The following ZNF423 variants were observed in gnomAD, a reference collection of about 807,000 sequenced individuals.
ZNF423 encodes the protein zinc finger protein 423.
A neutral mutation model predicts 95.8 loss-of-function variants in ZNF423; 12 were observed. The ratio of observed to expected loss-of-function variants is 0.13; its 90% CI spans 0.08 to 0.20. The LOEUF (loss-of-function observed/expected upper bound fraction) is 0.20, where lower values mean the gene tolerates loss of function less well. Ranked by LOEUF, ZNF423 falls within the 10% of genes least tolerant of loss-of-function variation. ZNF423 has a pLI of 1.00. For missense variants in ZNF423, 1,316 were observed against 1,737.1 expected, an observed-to-expected ratio of 0.76 and a Z score of 4.31; for synonymous variants, 749 against 711.9, an observed-to-expected ratio of 1.05 and a Z score of -0.83.
chr16:49,733,868 C>G (rs1245519293), intron 2 of ZNF423, among the ~76,000 whole-genome samples: 1 of 152,210 alleles, frequency 6.6e-6, no homozygotes, highest in Non-Finnish European at 1.5e-5. Context: ...CAGGGTTTGC[C>G]TCTTGCAATG....
intron 5 of ZNF423, among the ~76,000 whole-genome samples, chr16:49,539,229 G>T (rs16947573): frequency 6.6e-6 from 1 of 152,098 alleles, no homozygotes; most frequent in Admixed American, 6.5e-5. Context: ...CCAAATGCAG[G>T]AACCCAGACA....
chr16:49,637,805 G>A lies in ZNF423; in HGVS notation c.1371C>T (p.Ser457=). The change falls in exon 4 of 8, where the codon TCC becomes TCT. Residue 457 remains serine (S), a synonymous_variant. Coordinates refer to ENST00000563137, the MANE Select transcript of ZNF423 (RefSeq NM_001379286.1). This position sits in a 1 kb window ranked among gnomAD's most constrained non-coding sequence, Gnocchi z 5.6. ...CGTTGAGGTTGTAGAGGGTGGGCAT[G>A]GAGTCCAGGCAGATCTGACATGTGT... ...QSHTCQICLD[S]MPTLYNLNEH... 1 of 1,614,220 alleles carries A rather than the reference G, an allele frequency of 6.2e-7. No homozygotes were observed. The highest frequency in any genetic ancestry group is 2.2e-5 in the East Asian group (1 of 44,888).
chr16:49,550,673 G>A (rs766819107), intron 5 of ZNF423, among the ~76,000 whole-genome samples: 2 of 152,246 alleles, frequency 1.3e-5, no homozygotes, highest in East Asian at 3.9e-4. Flanking sequence ...TGGCCATAGC[G>A]TGGGGACATC....
intron 3 of ZNF423, among the ~76,000 whole-genome samples, chr16:49,650,526 C>T (rs1973359255): frequency 6.6e-6 from 1 of 152,202 alleles, no homozygotes; most frequent in South Asian, 2.1e-4. Context: ...GCACCTCACA[C>T]CCATTATCCA....
At chr16:49,615,961 C>T (rs976729613) in intron 5 of ZNF423, among the ~76,000 whole-genome samples, 1 of 152,134 alleles carries the variant, frequency 6.6e-6, no homozygotes, top group Non-Finnish European at 1.5e-5. Context: ...TCATTTTCAC[C>T]TTGCTCCCAC....
At chr16:49,784,488 C>T (rs2034277408) in intron 2 of ZNF423, among the ~76,000 whole-genome samples, 1 of 152,158 alleles carries the variant, frequency 6.6e-6, no homozygotes, top group Non-Finnish European at 1.5e-5. Context: ...TCCTCCCATA[C>T]AATAGAATAT....
chr16:49,789,939 C>G (rs1187983727), intron 1 of ZNF423, among the ~76,000 whole-genome samples: 1 of 152,124 alleles, frequency 6.6e-6, no homozygotes, highest in Non-Finnish European at 1.5e-5. Context: ...GTCAACTCTC[C>G]CAATGACAGC....
intron 7 of ZNF423, among the ~76,000 whole-genome samples, chr16:49,506,260 T>C (rs1319072898): frequency 2.6e-5 from 4 of 152,132 alleles, no homozygotes; most frequent in East Asian, 3.9e-4. Context: ...GGATGGTAGA[T>C]GATGGATGGA....
At chr16:49,545,413 C>T (rs1162909401) in intron 5 of ZNF423, among the ~76,000 whole-genome samples, 1 of 152,148 alleles carries the variant, frequency 6.6e-6, no homozygotes, top group Non-Finnish European at 1.5e-5. Flanking sequence ...CCCATCACAT[C>T]TCAACATGTG....
intron 3 of ZNF423, among the ~76,000 whole-genome samples, chr16:49,694,665 A>C (rs1185428084): frequency 1.3e-5 from 2 of 152,072 alleles, no homozygotes; most frequent in African/African-American, 2.4e-5. Flanking sequence ...CACACCACAC[A>C]TAGAACTCCA....
At chr16:49,833,307 G>A (rs1487031265) in intron 1 of ZNF423, among the ~76,000 whole-genome samples, 1 of 152,206 alleles carries the variant, frequency 6.6e-6, no homozygotes, top group Non-Finnish European at 1.5e-5. Flanking sequence ...GGATTTACGT[G>A]CGAGAGCAAA....
At chr16:49,522,417 C>T (rs1968436938) in intron 7 of ZNF423, among the ~76,000 whole-genome samples, 1 of 152,068 alleles carries the variant, frequency 6.6e-6, no homozygotes, top group Admixed American at 6.5e-5. Context: ...GGGCATGGAC[C>T]CTCCGTGGGC....
intron 5 of ZNF423, among the ~76,000 whole-genome samples, chr16:49,541,010 G>A (rs1969227128): frequency 6.6e-6 from 1 of 152,188 alleles, no homozygotes; most frequent in Non-Finnish European, 1.5e-5. Context: ...CCTGCCAAGA[G>A]CAGGATGTCC....
chr16:49,620,842 T>TG (rs34341180), intron 5 of ZNF423, among the ~76,000 whole-genome samples: 7,401 of 152,266 alleles, frequency 0.049, 226 homozygotes, highest in Non-Finnish European at 0.071. Context: ...ATCGGCTTCC[T>TG]GGGGGTCTCC....
In ZNF423 at chr16:49,588,320, C is replaced by A. The variant is rs181053056; in HGVS notation, c.3601+37850G>T. 5.2e-3 allele frequency among the ~76,000 whole-genome samples: 797 copies of A among 152,296 alleles called. 4 individuals carry two copies. Among genetic ancestry groups the A allele is most frequent in the Non-Finnish European group, 8.7e-3 (589 of 68,026 alleles). On this transcript the variant is annotated intron_variant, in intron 5 of 7. Transcript: ENST00000563137. ...TGAGATGAACATCTTCCTCCCAGGG[C>A]ACACTGGGGGCGTCTGTCCAGAGGG...
chr16:49,622,298 C>T (rs1011113323), intron 5 of ZNF423, among the ~76,000 whole-genome samples: 1 of 152,110 alleles, frequency 6.6e-6, no homozygotes, highest in African/African-American at 2.4e-5. Flanking sequence ...GAAGGACAAA[C>T]CCTAACCCCT....
chr16:49,782,856 G>A (rs978749752), intron 2 of ZNF423, among the ~76,000 whole-genome samples: 12 of 151,844 alleles, frequency 7.9e-5, no homozygotes, highest in African/African-American at 2.9e-4. Flanking sequence ...AAGCATGGTG[G>A]TACATGCCTG....
intron 5 of ZNF423, among the ~76,000 whole-genome samples, chr16:49,601,148 C>T (rs998778214): frequency 6.6e-6 from 1 of 152,126 alleles, no homozygotes. Flanking sequence ...CTAAAAGGGT[C>T]TCCTAGAGAA....
rs528849128 is a variant in ZNF423, at chr16:49,640,312, C to G, written c.302-1438G>C. ...GCCTACCTACATACACACACAACAC[C>G]CACCATCACACACATTCATTCACAC... On this transcript the variant is annotated intron_variant, in intron 3 of 7. Coordinates refer to ENST00000563137, the MANE Select transcript of ZNF423 (RefSeq NM_001379286.1). Among the ~76,000 whole-genome samples the G allele has an allele frequency of 1.5e-3, 229 of 152,192 alleles. 5 individuals are homozygous for G. The highest frequency in any genetic ancestry group is 2.2e-4 in the Non-Finnish European group (15 of 67,994).
Sources: allele counts gnomAD v4.1 joint callset (sites outside exome capture counted in the v4.1 genomes callset), GRCh38; gene constraint gnomAD v4.1.1; non-coding constraint Gnocchi (gnomAD v3.1); transcripts MANE v1.5; gene names NCBI Gene and HGNC (gene_info 2026-07-23, HGNC 2026-07-21).